Variants in RTN4RL1 observed in about 807,000 individuals in gnomAD.
The protein encoded by RTN4RL1 is reticulon 4 receptor like 1.
A neutral mutation model predicts 25.6 loss-of-function variants in RTN4RL1; 7 were observed. That is an observed-to-expected ratio of 0.27 (90% CI 0.16 to 0.51). The LOEUF is 0.51. RTN4RL1 is among the 20% of genes least tolerant of loss of function. The pLI, the probability that RTN4RL1 is intolerant of heterozygous loss-of-function variation, is 0.97. For missense variants in RTN4RL1, 500 were observed against 615.6 expected, an observed-to-expected ratio of 0.81 and a Z score of 1.99; for synonymous variants, 297 against 288.2, an observed-to-expected ratio of 1.03 and a Z score of -0.31.
intron 1 of RTN4RL1, among the ~76,000 whole-genome samples, chr17:2,005,660 A>T (rs1002789443): frequency 9.9e-5 from 15 of 151,870 alleles, no homozygotes; most frequent in Non-Finnish European, 1.5e-5. Context: ...TGAGCCCGGG[A>T]GGTGGAGGCT....
intron 1 of RTN4RL1, among the ~76,000 whole-genome samples, chr17:1,955,406 A>G (rs982317442): frequency 4.6e-5 from 7 of 151,572 alleles, no homozygotes; most frequent in Non-Finnish European, 1.0e-4. Context: ...CATTTTAACA[A>G]TGAGCCGGCT....
At chr17:1,975,715 G>A (rs562136541) in intron 1 of RTN4RL1, among the ~76,000 whole-genome samples, 4 of 152,236 alleles carry the variant, frequency 2.6e-5, no homozygotes, top group South Asian at 2.1e-4. Flanking sequence ...AAGCTGCACC[G>A]TGTGACAGGA....
chr17:2,023,192 C>T (rs1395251832), intron 1 of RTN4RL1, among the ~76,000 whole-genome samples: 1 of 152,198 alleles, frequency 6.6e-6, no homozygotes, highest in Non-Finnish European at 1.5e-5. Flanking sequence ...GGGAAGCCTT[C>T]TCGACCGGGG....
At chr17:1,943,535 C>T (rs1258413105) in intron 1 of RTN4RL1, among the ~76,000 whole-genome samples, 2 of 152,230 alleles carry the variant, frequency 1.3e-5, no homozygotes, top group Non-Finnish European at 2.9e-5. Context: ...TCCCTCTCTC[C>T]CCCTCCCCGC....
At chr17:2,005,108 C>A (rs1567523009) in intron 1 of RTN4RL1, among the ~76,000 whole-genome samples, 1 of 152,130 alleles carries the variant, frequency 6.6e-6, no homozygotes, top group South Asian at 2.1e-4. Context: ...TGGGCTCAAG[C>A]AATCCTCCTA....
chr17:1,971,770 A>G (rs180964436), intron 1 of RTN4RL1, among the ~76,000 whole-genome samples: 11,951 of 151,698 alleles, frequency 0.079, 612 homozygotes, highest in Admixed American at 0.13. Context: ...AGACCATCCT[A>G]GCTAACATGG....
chr17:1,967,771 C>A (rs2066798781), intron 1 of RTN4RL1, among the ~76,000 whole-genome samples: 1 of 152,122 alleles, frequency 6.6e-6, no homozygotes, highest in South Asian at 2.1e-4. Flanking sequence ...TCCCAAGTAG[C>A]CGGGAGTACA....
intron 1 of RTN4RL1, among the ~76,000 whole-genome samples, chr17:1,973,226 G>A (rs531500308): frequency 2.0e-5 from 3 of 152,210 alleles, no homozygotes; most frequent in South Asian, 2.1e-4. Flanking sequence ...TTAGCCGGGC[G>A]TAGTGGCAAA....
At chr17:2,017,821 C>G (rs1311709037) in intron 1 of RTN4RL1, 1 of 152,328 alleles carries the variant, frequency 6.6e-6, no homozygotes, top group Admixed American at 6.5e-5. Flanking sequence ...GCTTCGCTGA[C>G]TGGTTAGACA....
At chr17:1,959,476 C>G (rs1326519802) in intron 1 of RTN4RL1, among the ~76,000 whole-genome samples, 3 of 152,128 alleles carry the variant, frequency 2.0e-5, no homozygotes, top group Non-Finnish European at 4.4e-5. Flanking sequence ...ACCACATACA[C>G]CTAAATCCCC....
chr17:1,943,978 T>G (rs982945559), intron 1 of RTN4RL1, among the ~76,000 whole-genome samples: 1 of 151,918 alleles, frequency 6.6e-6, no homozygotes, highest in African/African-American at 2.4e-5. Context: ...TGGGCAGGAG[T>G]GCAGTGGCAC....
intron 1 of RTN4RL1, among the ~76,000 whole-genome samples, chr17:1,948,465 G>A (rs1597489642): frequency 6.6e-6 from 1 of 152,258 alleles, no homozygotes; most frequent in East Asian, 1.9e-4. Flanking sequence ...TGGGCCCTGC[G>A]TCTGAGCTTG....
chr17:1,937,501 G>A lies in RTN4RL1; in HGVS notation c.321C>T (p.Leu107=), dbSNP rs753149481. Residue 107 remains leucine (L), a synonymous_variant, in exon 2 of 2, where the codon CTC becomes CTT. Coordinates refer to ENST00000331238, the MANE Select transcript of RTN4RL1 (RefSeq NM_178568.4). The part of the protein sequence containing the change: ...EGFVHLEELD[L]GDNRQLRTLA... ...GCGTCCGCAGCTGCCGGTTGTCGCC[G>A]AGGTCCAGCTCCTCCAGGTGCACGA... 2.2e-5 allele frequency: 36 copies of A among 1,613,868 alleles called. No individual in the cohort carries two copies. The highest frequency in any genetic ancestry group is 2.8e-5 in the Non-Finnish European group (33 of 1,179,898).
At chr17:1,951,627 T>A (rs1044496779) in intron 1 of RTN4RL1, among the ~76,000 whole-genome samples, 2 of 152,060 alleles carry the variant, frequency 1.3e-5, no homozygotes, top group Middle Eastern at 6.8e-3. Context: ...ACTTTTGTAT[T>A]TTTAGTAGAG....
intron 1 of RTN4RL1, among the ~76,000 whole-genome samples, chr17:1,946,616 CTG>C: frequency 8.6e-6 from 1 of 115,832 alleles, no homozygotes; most frequent in African/African-American, 3.1e-5. Context: ...GAATGTGTGT[CTG>C]TGTGCACGTG....
chr17:1,963,109 CT>C (rs2151310597), intron 1 of RTN4RL1, among the ~76,000 whole-genome samples: 1 of 152,172 alleles, frequency 6.6e-6, no homozygotes, highest in East Asian at 1.9e-4. Context: ...GGCTTGTCAA[CT>C]GTGTTTTAAT....
At chr17:2,015,577 G>C (rs906118507) in intron 1 of RTN4RL1, among the ~76,000 whole-genome samples, 4 of 152,216 alleles carry the variant, frequency 2.6e-5, no homozygotes, top group African/African-American at 9.6e-5. Context: ...AGGGAAGCCG[G>C]GGAAGCAGGA....
At chr17:2,022,260 T>G (rs988147616) in intron 1 of RTN4RL1, among the ~76,000 whole-genome samples, 30 of 152,098 alleles carry the variant, frequency 2.0e-4, no homozygotes, top group South Asian at 4.2e-4. Context: ...AGGTTGCAGT[T>G]AGCTGAGATT....
At position 1,936,845 on chromosome 17, in the gene RTN4RL1, C is replaced by A. The variant is rs535637325; in HGVS notation, c.977G>T (p.Arg326Leu). 2.5e-6 allele frequency: 4 copies of A among 1,585,118 alleles called. No individual in the cohort carries two copies. The highest frequency in any genetic ancestry group is 1.2e-5 in the South Asian group (1 of 86,724). ...GCCGTGGGGTGAGTGGTGTTCCTTG[C>A]GGGCGGCCCTGTCGGTGGTGGTGAG... is the stretch of plus-strand genomic sequence containing the variant. Reference protein sequence around the residue: ...HTLTTTDRAARKEHHSPHGPT... With the variant: ...HTLTTTDRAALKEHHSPHGPT... Residue 326 changes from arginine (R) to leucine (L), a missense_variant, in exon 2 of 2, where the codon CGC becomes CTC. Around this residue, in one of 2 missense-constraint regions of RTN4RL1, gnomAD observed 268 missense variants for 274.5 expected, o/e 0.98. Transcript: ENST00000331238.
Sources: gnomAD v4.1 joint callset for allele counts (sites outside exome capture counted in the v4.1 genomes callset) on GRCh38, gnomAD v4.1.1 for gene constraint, gnomAD v4.1.1 regional missense constraint, MANE v1.5 for transcripts, NCBI Gene and HGNC (gene_info 2026-07-23, HGNC 2026-07-21) for gene names.